PTPRD: variants seen among roughly 807,000 people sequenced by gnomAD.
PTPRD encodes the protein receptor-type tyrosine-protein phosphatase delta.
A neutral mutation model predicts 214.5 loss-of-function variants in PTPRD; 34 were observed. That is an observed-to-expected ratio of 0.16 (90% CI 0.12 to 0.21). PTPRD has a LOEUF of 0.21. PTPRD is among the 10% of genes least tolerant of loss of function. The pLI is 1.00. For synonymous variants in PTPRD, 1,128 were observed against 845.7 expected (o/e 1.33, Z -5.79); for missense variants, 2,545 against 2,398.7 (o/e 1.06, Z -1.27).
rs751800067 is a variant in PTPRD at position 9,884,812 on chromosome 9, C to T, written c.-368+53695G>A. On this transcript the variant is annotated intron_variant, in intron 5 of 45. Transcript: ENST00000381196. ...CCACTTGCTTGGCACTTCTCCTTGC[C>T]GCTGCCATGTGAAGAAGGACGTGTT... Among the ~76,000 whole-genome samples, 57 of 152,052 alleles carry T rather than the reference C, an allele frequency of 3.7e-4. 1 individual carries two copies. Among genetic ancestry groups the T allele is most frequent in the Admixed American group, 2.9e-3 (44 of 15,240 alleles).
chr9:9,982,893 A>C (rs1264634338), intron 4 of PTPRD, among the ~76,000 whole-genome samples: 3 of 152,134 alleles, frequency 2.0e-5, no homozygotes, highest in African/African-American at 7.2e-5. Flanking sequence ...CATGTGCTAA[A>C]CACTGTTCTG....
chr9:10,085,855 G>GT (rs143089256), intron 3 of PTPRD, among the ~76,000 whole-genome samples: 310 of 151,980 alleles, frequency 2.0e-3, no homozygotes, highest in Admixed American at 5.7e-3. Context: ...GTTGGTAAAT[G>GT]TTTTTCAGTA....
intron 27 of PTPRD, among the ~76,000 whole-genome samples, chr9:8,489,644 G>A (rs1453642183): frequency 6.6e-6 from 1 of 152,182 alleles, no homozygotes; most frequent in African/African-American, 2.4e-5. Context: ...AATAGAAACA[G>A]TAAATGCAGT....
intron 14 of PTPRD, among the ~76,000 whole-genome samples, chr9:8,539,762 C>T (rs2077887091): frequency 6.6e-6 from 1 of 151,986 alleles, no homozygotes; most frequent in African/African-American, 2.4e-5. Flanking sequence ...ATCTTCAAAA[C>T]TATCATGGTC....
intron 11 of PTPRD, among the ~76,000 whole-genome samples, chr9:8,752,447 C>G (rs1197652029): frequency 6.6e-6 from 1 of 152,186 alleles, no homozygotes; most frequent in Non-Finnish European, 1.5e-5. Flanking sequence ...CAAGAAATAA[C>G]CATAAAAATG....
chr9:9,320,850 T>C (rs1279144859), intron 9 of PTPRD, among the ~76,000 whole-genome samples: 1 of 152,200 alleles, frequency 6.6e-6, no homozygotes, highest in Non-Finnish European at 1.5e-5. Flanking sequence ...CTACTCATAT[T>C]TTAATTTGAT....
chr9:9,598,723 G>C (rs2154335582), intron 7 of PTPRD, among the ~76,000 whole-genome samples: 1 of 151,888 alleles, frequency 6.6e-6, no homozygotes, highest in East Asian at 1.9e-4. Context: ...TTATTGGTAA[G>C]CATAACTTTT....
intron 8 of PTPRD, among the ~76,000 whole-genome samples, chr9:9,572,043 G>A (rs946682002): frequency 1.3e-5 from 2 of 150,988 alleles, no homozygotes; most frequent in African/African-American, 4.8e-5. Context: ...TTTGATCATA[G>A]AAGGAAAATG....
At chr9:10,077,843 T>TA (rs1555557603) in intron 3 of PTPRD, among the ~76,000 whole-genome samples, 10 of 149,284 alleles carry the variant, frequency 6.7e-5, no homozygotes, top group Non-Finnish European at 1.0e-4. Context: ...TTTTTTTTTT[T>TA]AAAAGGTTGC....
At chr9:9,663,085 A>T (rs1181274217) in intron 7 of PTPRD, among the ~76,000 whole-genome samples, 1 of 151,532 alleles carries the variant, frequency 6.6e-6, no homozygotes, top group Non-Finnish European at 1.5e-5. Flanking sequence ...ATGTGAAAAA[A>T]TCACAAGCTG....
At chr9:8,775,635 A>T (rs1235669284) in intron 11 of PTPRD, among the ~76,000 whole-genome samples, 3 of 152,194 alleles carry the variant, frequency 2.0e-5, no homozygotes, top group African/African-American at 7.2e-5. Flanking sequence ...GGTTTACTGC[A>T]TGGGCATTTT....
intron 5 of PTPRD, among the ~76,000 whole-genome samples, chr9:9,815,278 T>A (rs1469715764): frequency 6.6e-6 from 1 of 152,070 alleles, no homozygotes; most frequent in Non-Finnish European, 1.5e-5. Context: ...AAGGACAGTA[T>A]CTTCAATAAA....
intron 35 of PTPRD, among the ~76,000 whole-genome samples, chr9:8,424,239 T>C (rs985153196): frequency 3.3e-5 from 5 of 152,236 alleles, no homozygotes; most frequent in East Asian, 1.9e-4. Context: ...AACAGATAAG[T>C]TAATGACAAC....
intron 5 of PTPRD, among the ~76,000 whole-genome samples, chr9:9,773,678 T>C (rs752684744): frequency 4.6e-5 from 7 of 152,220 alleles, no homozygotes; most frequent in African/African-American, 9.6e-5. Context: ...TTCATATTTT[T>C]ACAAATAAAG....
intron 14 of PTPRD, among the ~76,000 whole-genome samples, chr9:8,598,768 C>T (rs1222763699): frequency 6.6e-6 from 1 of 152,152 alleles, no homozygotes; most frequent in Non-Finnish European, 1.5e-5. Context: ...ACTGTCTGAC[C>T]TTCTCAGAGA....
At chr9:8,323,961 T>G (rs569898599) in intron 44 of PTPRD, among the ~76,000 whole-genome samples, 1 of 152,180 alleles carries the variant, frequency 6.6e-6, no homozygotes, top group East Asian at 1.9e-4. Context: ...TCATTATTAT[T>G]TTCTTTTAAG....
chr9:10,220,983 C>T (rs2099569129), intron 3 of PTPRD, among the ~76,000 whole-genome samples: 1 of 151,674 alleles, frequency 6.6e-6, no homozygotes, highest in Middle Eastern at 3.2e-3. Flanking sequence ...CGAAATGGTA[C>T]ACAGAAGGTC....
chr9:10,165,765 A>T (rs2099155254), intron 3 of PTPRD, among the ~76,000 whole-genome samples: 1 of 151,240 alleles, frequency 6.6e-6, no homozygotes, highest in Admixed American at 6.6e-5. Flanking sequence ...TTATCGAAGT[A>T]TTTTCTCTTA....
At chr9:8,778,242 T>C (rs1454626280) in intron 11 of PTPRD, among the ~76,000 whole-genome samples, 1 of 152,252 alleles carries the variant, frequency 6.6e-6, no homozygotes, top group Non-Finnish European at 1.5e-5. Flanking sequence ...AACATTTCAC[T>C]ACAATGAGCC....
Sources: allele counts gnomAD v4.1 joint callset (sites outside exome capture counted in the v4.1 genomes callset), GRCh38; gene constraint gnomAD v4.1.1; transcripts MANE v1.5; gene names NCBI Gene and HGNC (gene_info 2026-07-23, HGNC 2026-07-21).